The following PRDM2 variants were observed in gnomAD, a reference collection of about 807,000 sequenced individuals.
PRDM2 encodes the protein PR domain zinc finger protein 2.
PRDM2 carries 30 observed loss-of-function variants against 130.0 expected under a neutral mutation model. That is an observed-to-expected ratio of 0.23 (90% CI 0.17 to 0.31). The LOEUF is 0.31. Ranked by LOEUF, PRDM2 falls within the 10% of genes least tolerant of loss-of-function variation. The pLI, the probability that PRDM2 is intolerant of heterozygous loss-of-function variation, is 1.00. For missense variants in PRDM2, 2,011 were observed against 2,108.4 expected (o/e 0.95, Z 0.90); for synonymous variants, 871 against 782.4 (o/e 1.11, Z -1.89).
intron 6 of PRDM2, among the ~76,000 whole-genome samples, chr1:13,767,739 G>A (rs1644262269): frequency 1.3e-5 from 2 of 152,072 alleles, no homozygotes; most frequent in Admixed American, 1.3e-4. Flanking sequence ...CTTTTGAGAG[G>A]CCAAGGCAAG....
chr1:13,742,009 AT>A lies in PRDM2; in HGVS notation c.238del (p.Tyr80ThrfsTer23). The part of the protein sequence containing the change: ...VKNNVYMWEV[Y>X]YPNLGWMCID... ...TTACTTTTCTCCATTTTCAAGGTGT[AT>A]TACCCAAATTTGGGATGGATGTGCA... On this transcript the variant is annotated frameshift_variant, in exon 5 of 10. Transcript: ENST00000311066. LOFTEE classifies it high-confidence loss of function. 1 of 1,555,694 alleles carries A rather than the reference AT, an allele frequency of 6.4e-7. No individual in the cohort carries two copies. The highest frequency in any genetic ancestry group is 8.9e-7 in the Non-Finnish European group (1 of 1,127,912).
At chr1:13,799,445 CA>C (rs5772551) in intron 8 of PRDM2, among the ~76,000 whole-genome samples, 24,660 of 131,162 alleles carry the variant, frequency 0.19, 2,531 homozygotes, top group African/African-American at 0.31. Context: ...AACTCCATCT[CA>C]AAAAAAAAAA....
intron 6 of PRDM2, among the ~76,000 whole-genome samples, chr1:13,760,840 G>A (rs1011304365): frequency 1.3e-5 from 2 of 149,672 alleles, no homozygotes; most frequent in African/African-American, 2.4e-5. Flanking sequence ...TTCTCTGGCC[G>A]GTTGGCACAC....
In PRDM2 at chr1:13,757,662, G is replaced by C. The variant is rs564595827; in HGVS notation, c.511+8175G>C. ...TTACAGAAACTGTAAGTGCAATTCT[G>C]ATTTGTTTGTGGATATAATTGAGTT... is the stretch of plus-strand genomic sequence containing the variant. On this transcript the variant is annotated intron_variant, in intron 6 of 9. Transcript: ENST00000311066. Among the ~76,000 whole-genome samples the C allele has an allele frequency of 2.0e-5, 3 of 151,986 alleles. No individual in the cohort carries two copies. The South Asian group carries it at 6.2e-4, about 32-fold the overall frequency.
At chr1:13,718,658 C>T (rs1351692500) in intron 2 of PRDM2, among the ~76,000 whole-genome samples, 1 of 152,130 alleles carries the variant, frequency 6.6e-6, no homozygotes, top group Non-Finnish European at 1.5e-5. Context: ...TCAATTAGAG[C>T]CCAGCTTGCT....
At chr1:13,753,296 A>G (rs1327473249) in intron 6 of PRDM2, among the ~76,000 whole-genome samples, 1 of 152,252 alleles carries the variant, frequency 6.6e-6, no homozygotes, top group Non-Finnish European at 1.5e-5. Flanking sequence ...ATAAAGAACA[A>G]GTTCCTTAAG....
chr1:13,824,245 G>T lies in PRDM2; in HGVS notation c.*1110G>T, dbSNP rs2697963. The T allele has an allele frequency of 0.84, 127,673 of 152,476 alleles. 53,526 individuals are homozygous for T. Among genetic ancestry groups the T allele is most frequent in the Middle Eastern group, 0.87 (256 of 294 alleles). 9.4% of individuals were successfully genotyped at this position (152,476 alleles called of 1,614,324 possible). On this transcript the variant is annotated 3_prime_UTR_variant, in exon 10 of 10. Transcript: ENST00000311066. ...CAAGGATGTCTGAGACCACTTGGGCGCTGTTTTCTCAGCTCCAATTTCAAG... is the reference window on the plus strand; with the variant it reads ...CAAGGATGTCTGAGACCACTTGGGCTCTGTTTTCTCAGCTCCAATTTCAAG...
rs1400290939 is a variant in PRDM2 at position 13,803,924 on chromosome 1, T to C, written c.5037-12503T>C. ...ATCTTTTGGGAGCGTGGAGGCCACA[T>C]TGGGGGCTCAGCAGTGGGCCCATGG... On this transcript the variant is annotated intron_variant, in intron 8 of 9. Transcript: ENST00000311066. This position sits in a 1 kb window ranked among gnomAD's most constrained non-coding sequence, Gnocchi z 6.2. Among the ~76,000 whole-genome samples the C allele has an allele frequency of 6.6e-6, 1 of 152,120 alleles. No individual in the cohort carries two copies. Among genetic ancestry groups the C allele is most frequent in the Non-Finnish European group, 1.5e-5 (1 of 68,010 alleles).
intron 3 of PRDM2, 69 bp downstream of exon 3, chr1:13,731,186 G>A (rs1643095204): frequency 1.6e-6 from 2 of 1,224,442 alleles, no homozygotes; most frequent in Non-Finnish European, 2.4e-6. Context: ...CTTCCTGCAG[G>A]GGCATGTCAG....
intron 2 of PRDM2, chr1:13,717,459 T>C (rs183317958): frequency 1.0e-6 from 1 of 982,120 alleles, no homozygotes; most frequent in Admixed American, 6.1e-5. Context: ...TAAATGTTAA[T>C]ATTGTTCTTG....
intron 8 of PRDM2, among the ~76,000 whole-genome samples, chr1:13,812,112 TA>T (rs895724470): frequency 6.6e-6 from 1 of 151,832 alleles, no homozygotes; most frequent in Non-Finnish European, 1.5e-5. Flanking sequence ...GTGGTCCTTA[TA>T]AAGGCCTCTC....
intron 1 of PRDM2, among the ~76,000 whole-genome samples, chr1:13,712,632 C>T (rs1198065078): frequency 6.6e-6 from 1 of 152,142 alleles, no homozygotes; most frequent in African/African-American, 2.4e-5. Flanking sequence ...TGGCACGTGC[C>T]TGTAGTACTA....
At chr1:13,752,075 G>C (rs563314399) in intron 6 of PRDM2, among the ~76,000 whole-genome samples, 2 of 152,014 alleles carry the variant, frequency 1.3e-5, no homozygotes, top group East Asian at 3.9e-4. Flanking sequence ...AAAAAGCAGC[G>C]GCGACTCTTC....
chr1:13,783,117 A>AAT (rs1644656232), intron 8 of PRDM2: 1 of 625,946 alleles, frequency 1.6e-6, no homozygotes, highest in Non-Finnish European at 2.7e-6. Flanking sequence ...GTACTCTAAG[A>AAT]AAAGATGCAA....
rs533033453 is a variant in PRDM2 at position 13,810,185 on chromosome 1, G to A, written c.5037-6242G>A. On this transcript the variant is annotated intron_variant, in intron 8 of 9. Coordinates refer to ENST00000311066, the MANE Select transcript of PRDM2 (RefSeq NM_001393986.1). Reference sequence around the variant, plus strand: ...ACAGTTAACCTCTCTCAAGTTTGTCGACCTCTCAGGTTCCCCAAGGACGAA... The same window carrying A: ...ACAGTTAACCTCTCTCAAGTTTGTCAACCTCTCAGGTTCCCCAAGGACGAA... Among the ~76,000 whole-genome samples, 3 of 152,236 alleles carry A rather than the reference G, an allele frequency of 2.0e-5. No individual in the cohort carries two copies. In the East Asian group the frequency reaches 5.8e-4, roughly 29 times the overall value.
chr1:13,758,699 C>T (rs1402364698), intron 6 of PRDM2, among the ~76,000 whole-genome samples: 1 of 152,140 alleles, frequency 6.6e-6, no homozygotes, highest in Non-Finnish European at 1.5e-5. Flanking sequence ...TCTCAGTGTT[C>T]TGGAGCATTT....
chr1:13,804,896 C>T (rs1205996740), intron 8 of PRDM2, among the ~76,000 whole-genome samples: 2 of 152,158 alleles, frequency 1.3e-5, no homozygotes, highest in Admixed American at 6.5e-5. Context: ...CAAAGGCTCA[C>T]CCCCACCTGG....
At chr1:13,797,030 CTT>C (rs1343265090) in intron 8 of PRDM2, among the ~76,000 whole-genome samples, 1 of 152,204 alleles carries the variant, frequency 6.6e-6, no homozygotes, top group East Asian at 1.9e-4. Context: ...GTTTCCTTCT[CTT>C]TACCATCCTA....
chr1:13,786,643 G>A, intron 8 of PRDM2: 1 of 1,559,174 alleles, frequency 6.4e-7, no homozygotes, highest in Admixed American at 1.8e-5. Flanking sequence ...ACCAGTTGAA[G>A]CTGACTCAAA....
Sources: gnomAD v4.1 joint callset for allele counts (sites outside exome capture counted in the v4.1 genomes callset) on GRCh38, gnomAD v4.1.1 for gene constraint, Gnocchi (gnomAD v3.1) non-coding constraint, MANE v1.5 for transcripts, NCBI Gene and HGNC (gene_info 2026-07-23, HGNC 2026-07-21) for gene names.